SGTB: variants seen among roughly 807,000 people sequenced by gnomAD.
The protein encoded by SGTB is small glutamine-rich tetratricopeptide repeat-containing protein beta.
In SGTB, 19 loss-of-function variants were observed where a neutral mutation model predicts 43.9. The observed-to-expected ratio is 0.43, with a 90% CI of 0.30 to 0.63. The LOEUF is 0.63. Ranked by LOEUF, SGTB falls within the 30% of genes least tolerant of loss-of-function variation. The pLI, the probability that SGTB is intolerant of heterozygous loss-of-function variation, is 0.12. For synonymous variants in SGTB, 116 were observed against 117.3 expected, an observed-to-expected ratio of 0.99 and a Z score of 0.07; for missense variants, 304 against 358.9, an observed-to-expected ratio of 0.85 and a Z score of 1.24.
At chr5:65,716,991 A>G (rs1758164833) in intron 2 of SGTB, among the ~76,000 whole-genome samples, 1 of 152,128 alleles carries the variant, frequency 6.6e-6, no homozygotes, top group Non-Finnish European at 1.5e-5. Flanking sequence ...ATGAGATAAG[A>G]AAGCCAAGAA....
At chr5:65,689,004 G>A (rs1371895327) in intron 5 of SGTB, among the ~76,000 whole-genome samples, 2 of 151,986 alleles carry the variant, frequency 1.3e-5, no homozygotes, top group Non-Finnish European at 2.9e-5. Flanking sequence ...AGAGACGGGG[G>A]TTTCACCGTG....
intron 5 of SGTB, among the ~76,000 whole-genome samples, chr5:65,703,413 A>C (rs1047300481): frequency 6.6e-6 from 1 of 152,262 alleles, no homozygotes; most frequent in African/African-American, 2.4e-5. Context: ...GAATCTAAAA[A>C]TGAATAAACT....
chr5:65,700,682 C>CAAAA (rs376335799), intron 5 of SGTB, among the ~76,000 whole-genome samples: 4 of 80,784 alleles, frequency 5.0e-5, no homozygotes, highest in African/African-American at 5.2e-5. Context: ...CTCTGTCTCC[C>CAAAA]AAAAAAAAAA....
intron 8 of SGTB, 43 bp downstream of exon 8, chr5:65,680,451 T>C (rs1381064863): frequency 1.9e-6 from 3 of 1,607,222 alleles, no homozygotes; most frequent in Admixed American, 1.7e-5. Context: ...ACATAGTCTA[T>C]GGAAAACATA....
intron 6 of SGTB, among the ~76,000 whole-genome samples, chr5:65,684,640 C>T (rs529670098): frequency 5.9e-5 from 9 of 152,222 alleles, no homozygotes; most frequent in South Asian, 2.1e-4. Context: ...GCAACCTCTG[C>T]CGCCCAGGTT....
intron 1 of SGTB, 51 bp from the exon 2 acceptor site, chr5:65,720,880 C>A: frequency 1.6e-5 from 25 of 1,554,794 alleles, no homozygotes; most frequent in Non-Finnish European, 2.2e-5. Flanking sequence ...AAGAATCAGT[C>A]AGGAAAGTCA....
intron 5 of SGTB, among the ~76,000 whole-genome samples, chr5:65,691,736 C>T (rs1282377127): frequency 6.6e-6 from 1 of 151,166 alleles, no homozygotes. Context: ...GTCAGGAGAT[C>T]GAGACCATCC....
chr5:65,681,811 C>T (rs1211991772), intron 6 of SGTB, among the ~76,000 whole-genome samples: 1 of 151,960 alleles, frequency 6.6e-6, no homozygotes, highest in Non-Finnish European at 1.5e-5. Flanking sequence ...CCTGTCTCTA[C>T]TAAAAATACA....
intron 2 of SGTB, among the ~76,000 whole-genome samples, chr5:65,720,379 GCCC>G (rs1260903551): frequency 1.3e-5 from 2 of 152,084 alleles, no homozygotes; most frequent in Non-Finnish European, 2.9e-5. Context: ...ACCAAGCCTG[GCCC>G]TGGTTTTATT....
intron 5 of SGTB, among the ~76,000 whole-genome samples, chr5:65,698,833 A>AC (rs1197290682): frequency 6.6e-6 from 1 of 152,240 alleles, no homozygotes; most frequent in Non-Finnish European, 1.5e-5. Context: ...ACAATGAGAT[A>AC]CCACCTTACT....
At chr5:65,688,482 G>C (rs1757540304) in intron 5 of SGTB, among the ~76,000 whole-genome samples, 1 of 152,128 alleles carries the variant, frequency 6.6e-6, no homozygotes, top group African/African-American at 2.4e-5. Flanking sequence ...AGGGTAAAAG[G>C]GCTCATGGGA....
upstream of SGTB, chr5:65,722,253 C>A: frequency 3.2e-6 from 2 of 618,746 alleles, no homozygotes; most frequent in Non-Finnish European, 5.1e-6. Flanking sequence ...GGCCAGGCAG[C>A]CACTGTGGCC....
intron 4 of SGTB, among the ~76,000 whole-genome samples, chr5:65,706,616 G>C (rs879476667): frequency 6.6e-6 from 1 of 152,174 alleles, no homozygotes; most frequent in Non-Finnish European, 1.5e-5. Context: ...TGGATCACCT[G>C]AGGTCAGGAG....
chr5:65,696,588 G>T (rs904310759), intron 5 of SGTB, among the ~76,000 whole-genome samples: 1 of 152,128 alleles, frequency 6.6e-6, no homozygotes, highest in Non-Finnish European at 1.5e-5. Flanking sequence ...AGGTGCTATA[G>T]GGGATACAAA....
intron 8 of SGTB, among the ~76,000 whole-genome samples, chr5:65,672,978 A>G (rs962234953): frequency 2.6e-5 from 4 of 152,210 alleles, no homozygotes; most frequent in Non-Finnish European, 1.5e-5. Flanking sequence ...GAGCCAACCC[A>G]TAAGTGCTAA....
At chr5:65,672,942 A>G (rs954793761) in intron 8 of SGTB, among the ~76,000 whole-genome samples, 11 of 152,184 alleles carry the variant, frequency 7.2e-5, no homozygotes, top group Admixed American at 2.0e-4. Context: ...AACTTTCCTC[A>G]AGTCCCAGTC....
rs1442964280 is a variant in SGTB at position 65,669,354 on chromosome 5, C to T, written c.*892G>A. On this transcript the variant is annotated 3_prime_UTR_variant, in exon 11 of 11. Transcript: ENST00000381007. Reference sequence around the variant, plus strand: ...AAATCCTTAACTTAGGACCAGGTCACTGGCTTAGTTAAAGTATATTTATAT... The same window carrying T: ...AAATCCTTAACTTAGGACCAGGTCATTGGCTTAGTTAAAGTATATTTATAT... The T allele has an allele frequency of 6.6e-6, 1 of 152,156 alleles. No homozygotes were observed. Among genetic ancestry groups the T allele is most frequent in the African/African-American group, 2.4e-5 (1 of 41,442 alleles). 9.4% of individuals were successfully genotyped at this position (152,156 alleles called of 1,614,324 possible).
At position 65,679,916 on chromosome 5, in the gene SGTB, A is replaced by G. The variant is rs376548005; in HGVS notation, c.681+578T>C. ...TAGCAAAGACATGGAATCAATGCAA[A>G]TGCCTATCAATGATAGACTGGATAA... On this transcript the variant is annotated intron_variant, in intron 8 of 10. Coordinates refer to ENST00000381007, the MANE Select transcript of SGTB (RefSeq NM_019072.3). 9.4e-4 allele frequency among the ~76,000 whole-genome samples: 143 copies of G among 152,364 alleles called. 1 individual carries two copies. Among genetic ancestry groups the G allele is most frequent in the African/African-American group, 3.3e-3 (138 of 41,596 alleles).
chr5:65,689,367 C>G (rs1002198138), intron 5 of SGTB, among the ~76,000 whole-genome samples: 4 of 152,108 alleles, frequency 2.6e-5, no homozygotes, highest in African/African-American at 9.7e-5. Flanking sequence ...CTTGCTATAT[C>G]ACATCTACCA....
Sources: allele counts gnomAD v4.1 joint callset (sites outside exome capture counted in the v4.1 genomes callset), GRCh38; gene constraint gnomAD v4.1.1; transcripts MANE v1.5; gene names NCBI Gene and HGNC (gene_info 2026-07-23, HGNC 2026-07-21).